The following ROCK1 variants were observed in gnomAD, a reference collection of about 807,000 sequenced individuals.
The protein encoded by ROCK1 is Rho associated coiled-coil containing protein kinase 1, also known as rho-associated protein kinase 1.
ROCK1 carries 36 observed loss-of-function variants against 196.8 expected under a neutral mutation model. That is an observed-to-expected ratio of 0.18 (90% CI 0.14 to 0.24). The LOEUF (loss-of-function observed/expected upper bound fraction) is 0.24. ROCK1 is among the 10% of genes least tolerant of loss of function. The pLI is 1.00. For missense variants in ROCK1, 920 were observed against 1,562.0 expected (o/e 0.59, Z 6.93); for synonymous variants, 443 against 515.9 (o/e 0.86, Z 1.91).
intron 32 of ROCK1, 182 bp downstream of exon 32, chr18:20,953,396 A>G (rs1190132191): frequency 4.9e-6 from 2 of 404,342 alleles, no homozygotes; most frequent in African/African-American, 5.3e-5. Context: ...TATTGCATGT[A>G]TTATTATTAT....
At chr18:20,976,569 A>G (rs1036124884) in intron 22 of ROCK1, among the ~76,000 whole-genome samples, 1 of 152,194 alleles carries the variant, frequency 6.6e-6, no homozygotes, top group Non-Finnish European at 1.5e-5. Context: ...ACATTAACGA[A>G]TATATCTGCA....
intron 11 of ROCK1, among the ~76,000 whole-genome samples, chr18:21,021,804 G>A (rs1310637948): frequency 6.6e-6 from 1 of 152,054 alleles, no homozygotes; most frequent in East Asian, 1.9e-4. Context: ...ATTTTTGAAG[G>A]CCGAAGGCAC....
chr18:20,965,072 G>A (rs1471494840), intron 27 of ROCK1, among the ~76,000 whole-genome samples: 1 of 152,096 alleles, frequency 6.6e-6, no homozygotes, highest in Non-Finnish European at 1.5e-5. Flanking sequence ...AATAAAATTG[G>A]TCAGGATTTC....
rs554290906 is a variant in ROCK1, at chr18:21,013,623, G to C, written c.1410+1808C>G. 3.9e-5 allele frequency among the ~76,000 whole-genome samples: 6 copies of C among 152,222 alleles called. No homozygotes were observed. The East Asian group carries it at 9.6e-4, about 24-fold the overall frequency. On this transcript the variant is annotated intron_variant, in intron 13 of 32. Transcript: ENST00000399799. ...TGGTCACTGCTACGCTGTCTGGGGA[G>C]AGAAAGAAGGTTTGTTACTGCCCAC... is the stretch of plus-strand genomic sequence containing the variant.
At chr18:21,008,615 A>T (rs1433349755) in intron 13 of ROCK1, among the ~76,000 whole-genome samples, 5 of 152,168 alleles carry the variant, frequency 3.3e-5, no homozygotes, top group Non-Finnish European at 7.4e-5. Context: ...TACCTTTCTG[A>T]GTTACCACTA....
intron 9 of ROCK1, among the ~76,000 whole-genome samples, chr18:21,037,302 A>G (rs2036066044): frequency 6.6e-6 from 1 of 152,212 alleles, no homozygotes; most frequent in African/African-American, 2.4e-5. Flanking sequence ...CAAGGAACAC[A>G]AGGTGAAGAT....
chr18:20,967,865 A>G lies in ROCK1; in HGVS notation c.3079T>C (p.Leu1027=). 2 of 1,606,306 alleles carry G rather than the reference A, an allele frequency of 1.2e-6. No individual in the cohort carries two copies. Among genetic ancestry groups the G allele is most frequent in the East Asian group, 2.2e-5 (1 of 44,732 alleles). Residue 1027 remains leucine (L), a synonymous_variant, in exon 26 of 33, where the codon TTG becomes CTG. Coordinates refer to ENST00000399799, the MANE Select transcript of ROCK1 (RefSeq NM_005406.3). ...CGATTTTCCTTTTCTTTCTTTCTCA[A>G]ATCTTGTGTATTAGCTTTCTTTCTA... The part of the protein sequence containing the change: ...IDRKKANTQD[L]RKKEKENRKL...
At chr18:21,016,628 C>A (rs1381488346) in intron 12 of ROCK1, among the ~76,000 whole-genome samples, 12 of 152,058 alleles carry the variant, frequency 7.9e-5, no homozygotes, top group African/African-American at 2.9e-4. Flanking sequence ...ATAGAACTTA[C>A]TGCCTCTGTT....
At chr18:20,975,662 G>C (rs1163459775) in intron 22 of ROCK1, among the ~76,000 whole-genome samples, 1 of 152,066 alleles carries the variant, frequency 6.6e-6, no homozygotes, top group Non-Finnish European at 1.5e-5. Context: ...CCAGGATGGA[G>C]TGCCGTGGCA....
rs773881785 is a variant in ROCK1, at chr18:21,110,941, C to G, written c.-31G>C. ...TGCTGCTGTGACAATGCCCTCTTAC[C>G]AGCACCAGCAGCGGAAAGCAATTTC... On this transcript the variant is annotated 5_prime_UTR_variant, in exon 1 of 33. Transcript: ENST00000399799. 15 of 1,560,156 alleles carry G rather than the reference C, an allele frequency of 9.6e-6. No homozygotes were observed. Among genetic ancestry groups the G allele is most frequent in the African/African-American group, 4.1e-5 (3 of 73,816 alleles).
In ROCK1 at chr18:21,006,732, A is replaced by C. The variant is rs2035772430; in HGVS notation, c.1605T>G (p.Leu535=). 1 of 1,605,116 alleles carries C rather than the reference A, an allele frequency of 6.2e-7. No individual in the cohort carries two copies. The highest frequency in any genetic ancestry group is 1.3e-5 in the African/African-American group (1 of 74,328). ...DLKKVSQNSQ[L]ANEKLSQLQK... is the part of the protein sequence containing the mutation. ...GTAACTGGGACAGCTTCTCATTAGC[A>C]AGCTGTGAATTCTGACTGACTTTCT... The change falls in exon 15 of 33, where the codon CTT becomes CTG. Residue 535 remains leucine, a synonymous_variant. Coordinates refer to ENST00000399799, the MANE Select transcript of ROCK1 (RefSeq NM_005406.3).
In ROCK1 at chr18:20,951,232, T is replaced by C. The variant is rs1365327549; in HGVS notation, c.*152A>G. 2 of 582,938 alleles carry C rather than the reference T, an allele frequency of 3.4e-6. No individual in the cohort carries two copies. Among genetic ancestry groups the C allele is most frequent in the Non-Finnish European group, 5.8e-6 (2 of 343,852 alleles). 36.1% of individuals were successfully genotyped at this position (582,938 alleles called of 1,614,324 possible). A position where few individuals can be genotyped will look rare whatever the true frequency, so the allele number is the denominator to read the frequency against. On this transcript the variant is annotated 3_prime_UTR_variant, in exon 33 of 33. Coordinates refer to ENST00000399799, the MANE Select transcript of ROCK1 (RefSeq NM_005406.3). Reference sequence around the variant, plus strand: ...GCAATAAAAAAAACCCTCAGTGTGTTGTGCCAAAGCAAGGACAGAAAAACA... The same window carrying C: ...GCAATAAAAAAAACCCTCAGTGTGTCGTGCCAAAGCAAGGACAGAAAAACA...
chr18:21,062,529 AAATC>A (rs1598548735), intron 2 of ROCK1, among the ~76,000 whole-genome samples: 1 of 152,162 alleles, frequency 6.6e-6, no homozygotes, highest in Non-Finnish European at 1.5e-5. Flanking sequence ...TATATTATAT[AAATC>A]AATGACTAAA....
intron 9 of ROCK1, among the ~76,000 whole-genome samples, chr18:21,036,016 C>T (rs943566486): frequency 2.6e-5 from 4 of 152,188 alleles, no homozygotes; most frequent in Admixed American, 2.6e-4. Flanking sequence ...CTTAATGCCA[C>T]TGAATTGTAC....
At chr18:20,966,769 C>A in intron 27 of ROCK1, 148 bp downstream of exon 27, 2 of 628,720 alleles carry the variant, frequency 3.2e-6, no homozygotes, top group Non-Finnish European at 5.5e-6. Flanking sequence ...AGTGTATAAT[C>A]ATCATCAGGC....
In ROCK1 at chr18:21,111,069, G is replaced by A. The variant is rs962970357; in HGVS notation, c.-159C>T. 6 of 624,696 alleles carry A rather than the reference G, an allele frequency of 9.6e-6. No individual in the cohort carries two copies. Among genetic ancestry groups the A allele is most frequent in the African/African-American group, 7.4e-5 (4 of 54,334 alleles). 38.7% of individuals were successfully genotyped at this position (624,696 alleles called of 1,614,324 possible). On this transcript the variant is annotated 5_prime_UTR_variant, in exon 1 of 33. Coordinates refer to ENST00000399799, the MANE Select transcript of ROCK1 (RefSeq NM_005406.3). This position sits in a 1 kb window ranked among gnomAD's most constrained non-coding sequence, Gnocchi z 4.2. ...TCCCCCGTCTTCCCCTCACTGAGGG[G>A]ACCTCCGCTCTCCAGACCCCGGGCC... is the stretch of plus-strand genomic sequence containing the variant.
chr18:20,988,791 C>G (rs2035598143), intron 18 of ROCK1, among the ~76,000 whole-genome samples: 2 of 152,050 alleles, frequency 1.3e-5, no homozygotes, highest in Admixed American at 6.6e-5. Flanking sequence ...TAATTACAAG[C>G]TGTATGTATT....
intron 16 of ROCK1, among the ~76,000 whole-genome samples, chr18:21,005,566 G>A (rs1444350060): frequency 6.6e-6 from 1 of 152,066 alleles, no homozygotes; most frequent in African/African-American, 2.4e-5. Context: ...ATACAAATGT[G>A]GGCATTATTC....
At chr18:21,099,935 C>T (rs2036644237) in intron 1 of ROCK1, among the ~76,000 whole-genome samples, 1 of 152,024 alleles carries the variant, frequency 6.6e-6, no homozygotes, top group Non-Finnish European at 1.5e-5. Context: ...ACTAGGGAGA[C>T]TGAGTCAGAA....
Sources: allele counts gnomAD v4.1 joint callset (sites outside exome capture counted in the v4.1 genomes callset), GRCh38; gene constraint gnomAD v4.1.1; non-coding constraint Gnocchi (gnomAD v3.1); transcripts MANE v1.5; gene names NCBI Gene and HGNC (gene_info 2026-07-23, HGNC 2026-07-21).